The following FECH variants were observed in gnomAD, a reference collection of about 807,000 sequenced individuals.
FECH encodes the protein ferrochelatase.
In FECH, 40 loss-of-function variants were observed where a neutral mutation model predicts 56.9. The observed-to-expected ratio is 0.70, with a 90% CI of 0.55 to 0.92. FECH has a LOEUF of 0.92. Ranked by LOEUF, FECH falls within the 40% of genes least tolerant of loss-of-function variation. The pLI is 0.00. For synonymous variants in FECH, 175 were observed against 198.6 expected (o/e 0.88, Z 1.00); for missense variants, 431 against 529.1 (o/e 0.81, Z 1.82).
In FECH at chr18:57,562,915, T is replaced by C. The variant is rs971354160; in HGVS notation, c.664A>G (p.Ser222Gly). 14 of 1,614,026 alleles carry C rather than the reference T, an allele frequency of 8.7e-6. No homozygotes were observed. Among genetic ancestry groups the C allele is most frequent in the African/African-American group, 1.3e-5 (1 of 74,894 alleles). ...QVGRKPTMKW[S>G]TIDRWPTHHL... ...TGTGTGGGCCACCTGTCAATAGTGC[T>C]CCACTTCATCGTGGGCTTCCGTCCC... Residue 222 changes from serine to glycine, a missense_variant, in exon 6 of 11, where the codon AGC (serine) becomes GGC (glycine). Physicochemically the swap from Ser to Gly is moderately conservative, Grantham distance 56. Transcript: ENST00000262093.
chr18:57,586,489 G>C (rs2051376794), intron 1 of FECH, 65 bp downstream of exon 1: 1 of 1,488,096 alleles, frequency 6.7e-7, no homozygotes, highest in Middle Eastern at 2.1e-4. Flanking sequence ...GGCGCCAGCT[G>C]CCCGCTCTGC....
intron 3 of FECH, among the ~76,000 whole-genome samples, chr18:57,572,403 G>A (rs1188910673): frequency 6.6e-6 from 1 of 151,378 alleles, no homozygotes; most frequent in Non-Finnish European, 1.5e-5. Flanking sequence ...CACACACCAG[G>A]GCCTATCGTG....
In FECH at chr18:57,554,260, C is replaced by T. The variant is rs1223818578; in HGVS notation, c.1077G>A (p.Glu359=). The T allele has an allele frequency of 1.1e-5, 17 of 1,614,066 alleles. No homozygotes were observed. The highest frequency in any genetic ancestry group is 1.4e-5 in the Non-Finnish European group (16 of 1,180,024). Residue 359 remains glutamate (E), a splice_region_variant and synonymous_variant, in exon 9 of 11, where the codon GAG becomes GAA. Coordinates refer to ENST00000262093, the MANE Select transcript of FECH (RefSeq NM_000140.5). ...DIEYSQVLAK[E]CGVENIRRAE... is the part of the protein sequence containing the mutation. ...GAAAAAGGCAGATGGGTGCATTTACCTCCTTGGCTAAAACTTGAGAGTACT... is the reference window on the plus strand; with the variant it reads ...GAAAAAGGCAGATGGGTGCATTTACTTCCTTGGCTAAAACTTGAGAGTACT...
chr18:57,561,096 C>G (rs1047528515), intron 6 of FECH, among the ~76,000 whole-genome samples: 3 of 152,010 alleles, frequency 2.0e-5, no homozygotes, highest in African/African-American at 7.2e-5. Flanking sequence ...ATTTTTGGAC[C>G]TCAGCCTAGA....
intron 10 of FECH, 132 bp downstream of exon 10, chr18:57,551,183 T>G: frequency 1.3e-6 from 1 of 741,254 alleles, no homozygotes; most frequent in Non-Finnish European, 2.3e-6. Context: ...GATAAGGAAT[T>G]CGATTTTATT....
rs1191992183 is a variant in FECH, at chr18:57,563,026, G to A, written c.599-46C>T. ...TTAGTAGATGCATTTTGATTATGGT[G>A]AAAATAAAAAACAGACTCGTAAAGG... On this transcript the variant is annotated intron_variant, in intron 5 of 10. Transcript: ENST00000262093. The A allele has an allele frequency of 2.0e-6, 3 of 1,508,160 alleles. No individual in the cohort carries two copies. In the African/African-American group the frequency reaches 4.1e-5, roughly 21 times the overall value. The allele number at this position is 1,508,160 out of a possible 1,614,324, so 93.4% of individuals were successfully genotyped here.
Position 57,546,943 on chromosome 18 carries a change from G to T in FECH, c.*3769C>A, listed in dbSNP as rs1463094171. 2.7e-5 allele frequency among the ~76,000 whole-genome samples: 4 copies of T among 147,034 alleles called. No homozygotes were observed. The highest frequency in any genetic ancestry group is 5.0e-5 in the African/African-American group (2 of 39,754). On this transcript the variant is annotated 3_prime_UTR_variant, in exon 11 of 11. Coordinates refer to ENST00000262093, the MANE Select transcript of FECH (RefSeq NM_000140.5). ...CCACTGTACTCCAGCTTGGGCAACA[G>T]AGCGAGACTCCATCTCAAAAAAAAA... is the stretch of plus-strand genomic sequence containing the variant.
rs1392449080 is a variant in FECH at position 57,551,349 on chromosome 18, G to A, written c.1103C>T (p.Ala368Val). Reference protein sequence around the residue: ...KECGVENIRRAESLNGNPLFS... With the variant: ...KECGVENIRRVESLNGNPLFS... ...CAATGGATTTCCATTAAGAGACTCA[G>A]CTCTTCTGATGTTTTCAACTCCACA... The change falls in exon 10 of 11, where the codon GCT (alanine) becomes GTT (valine). Residue 368 changes from alanine to valine, a missense_variant. By Grantham distance (64) the Ala-to-Val change is moderately conservative (BLOSUM62 0). Coordinates refer to ENST00000262093, the MANE Select transcript of FECH (RefSeq NM_000140.5). The A allele has an allele frequency of 1.9e-6, 3 of 1,613,030 alleles. No individual in the cohort carries two copies. The highest frequency in any genetic ancestry group is 2.7e-5 in the African/African-American group (2 of 74,882).
intron 4 of FECH, among the ~76,000 whole-genome samples, chr18:57,570,296 T>G (rs926504588): frequency 6.6e-6 from 1 of 152,208 alleles, no homozygotes; most frequent in East Asian, 1.9e-4. Context: ...CACTGTGGCA[T>G]GCACGGAGGA....
intron 2 of FECH, among the ~76,000 whole-genome samples, chr18:57,574,200 G>A (rs561189114): frequency 7.2e-4 from 109 of 151,782 alleles, no homozygotes; most frequent in Admixed American, 1.4e-3. Context: ...CGCCATGTTG[G>A]CCAGGCTGGT....
At position 57,554,421 on chromosome 18, in the gene FECH, C is replaced by A; in HGVS notation, c.916G>T (p.Gly306Cys). 6.2e-7 allele frequency: 1 copy of A among 1,614,134 alleles called. No homozygotes were observed. The highest frequency in any genetic ancestry group is 8.5e-7 in the Non-Finnish European group (1 of 1,179,998). Residue 306 changes from glycine (G) to cysteine (C), a missense_variant, in exon 9 of 11, where the codon GGT (glycine) becomes TGT (cysteine). Gly to Cys is a radical substitution (Grantham distance 159). Transcript: ENST00000262093. ...PYRLVWQSKV[G>C]PMPWLGPQTD... ...TGAGGACCCAACCAGGGCATTGGACCAACCTATGCGAAAGATAGACGAATG... is the reference window on the plus strand; with the variant it reads ...TGAGGACCCAACCAGGGCATTGGACAAACCTATGCGAAAGATAGACGAATG...
Position 57,571,390 on chromosome 18 carries a change from AC to A in FECH, c.463+1del. Reference sequence around the variant, plus strand: ...TTACATGTTAATGAAGAAACACCATACCTGTGTTGGGGGACAATTCATCCAG... The same window carrying A: ...TTACATGTTAATGAAGAAACACCATACTGTGTTGGGGGACAATTCATCCAG... On this transcript the variant is annotated splice_donor_variant, in intron 4 of 10. Coordinates refer to ENST00000262093, the MANE Select transcript of FECH (RefSeq NM_000140.5). LOFTEE classifies it high-confidence loss of function. The A allele has an allele frequency of 6.2e-7, 1 of 1,613,760 alleles. No homozygotes were observed. Among genetic ancestry groups the A allele is most frequent in the Non-Finnish European group, 8.5e-7 (1 of 1,179,802 alleles).
chr18:57,547,102 C>A lies in FECH; in HGVS notation c.*3610G>T, dbSNP rs2050730522. ...ATGGGAACATTTACCAATGTCTGTA[C>A]TCCCATTGTATCTTGGAAGTCACTA... On this transcript the variant is annotated 3_prime_UTR_variant, in exon 11 of 11. Transcript: ENST00000262093. Among the ~76,000 whole-genome samples, 1 of 152,078 alleles carries A rather than the reference C, an allele frequency of 6.6e-6. No individual in the cohort carries two copies. The highest frequency in any genetic ancestry group is 3.4e-3 in the Middle Eastern group (1 of 294).
At chr18:57,565,946 C>A (rs1382736720) in intron 5 of FECH, among the ~76,000 whole-genome samples, 1 of 152,178 alleles carries the variant, frequency 6.6e-6, no homozygotes, top group Non-Finnish European at 1.5e-5. Context: ...ACAGAAAATT[C>A]TGCAAAGGGA....
intron 3 of FECH, among the ~76,000 whole-genome samples, chr18:57,572,604 C>A: frequency 1.9e-5 from 2 of 104,868 alleles, no homozygotes; most frequent in Admixed American, 1.2e-4. Flanking sequence ...GGGGGGTGTG[C>A]ATGTGTGTAT....
intron 4 of FECH, chr18:57,568,024 AC>A (rs2051041369): frequency 6.6e-6 from 1 of 152,230 alleles, no homozygotes; most frequent in African/African-American, 2.4e-5. Context: ...ACTCCAAATG[AC>A]TGATTGTTCA....
intron 7 of FECH, among the ~76,000 whole-genome samples, chr18:57,555,690 T>G (rs1297794979): frequency 6.6e-6 from 1 of 152,262 alleles, no homozygotes; most frequent in Non-Finnish European, 1.5e-5. Context: ...CCATACCATT[T>G]TCATATGTAT....
chr18:57,561,554 C>A (rs1453214804), intron 6 of FECH, among the ~76,000 whole-genome samples: 1 of 152,234 alleles, frequency 6.6e-6, no homozygotes, highest in Non-Finnish European at 1.5e-5. Flanking sequence ...TCAGAGCCTT[C>A]AATCACACCA....
At chr18:57,580,222 G>C (rs2269219) in intron 1 of FECH, 23 bp from the exon 2 acceptor site, 1 of 1,613,636 alleles carries the variant, frequency 6.2e-7, no homozygotes, top group Non-Finnish European at 8.5e-7. Context: ...TAAAGTGCTC[G>C]CATGAAATCT....
Sources: allele counts gnomAD v4.1 joint callset (sites outside exome capture counted in the v4.1 genomes callset), GRCh38; gene constraint gnomAD v4.1.1; transcripts MANE v1.5; gene names NCBI Gene and HGNC (gene_info 2026-07-23, HGNC 2026-07-21).